CENPK: variants seen among roughly 807,000 people sequenced by gnomAD.
CENPK encodes the protein centromere protein K.
Under a neutral mutation model 40.9 loss-of-function variants are expected in CENPK, and 46 were observed. The ratio of observed to expected loss-of-function variants is 1.13; its 90% CI spans 0.89 to 1.44. The LOEUF (loss-of-function observed/expected upper bound fraction) is 1.44, where lower values mean the gene tolerates loss of function less well. Ranked by LOEUF, CENPK falls within the 40% of genes most tolerant of loss-of-function variation. CENPK has a pLI of 0.00. For missense variants in CENPK, 288 were observed against 303.5 expected (o/e 0.95, Z 0.38); for synonymous variants, 107 against 104.4 (o/e 1.02, Z -0.15).
intron 6 of CENPK, among the ~76,000 whole-genome samples, chr5:65,537,758 T>C (rs1747221657): frequency 6.6e-6 from 1 of 152,236 alleles, no homozygotes; most frequent in African/African-American, 2.4e-5. Context: ...CTTCATTTCT[T>C]TTTATTGTCC....
chr5:65,553,877 A>C (rs141173996), intron 3 of CENPK, among the ~76,000 whole-genome samples: 106 of 152,286 alleles, frequency 7.0e-4, no homozygotes, highest in Non-Finnish European at 1.2e-3. Context: ...CCCAAACCGC[A>C]TATCTGATCA....
downstream of CENPK, among the ~76,000 whole-genome samples, chr5:65,513,599 G>A (rs1281475956): frequency 2.0e-5 from 3 of 151,952 alleles, no homozygotes; most frequent in Admixed American, 6.6e-5. Flanking sequence ...AATTCCAAAT[G>A]TTCATCCCTG....
the CENPK span, among the ~76,000 whole-genome samples, chr5:65,506,212 C>T: frequency 1.5e-5 from 2 of 131,640 alleles, no homozygotes; most frequent in African/African-American, 2.8e-5. Context: ...AGCAAGATCC[C>T]ATTTCTTAAA....
chr5:65,526,120 C>G (rs755956946), intron 9 of CENPK, among the ~76,000 whole-genome samples: 3 of 151,974 alleles, frequency 2.0e-5, no homozygotes, highest in Non-Finnish European at 4.4e-5. Flanking sequence ...CTTAATGACC[C>G]GATAATGGCT....
intron 4 of CENPK, 51 bp downstream of exon 4, chr5:65,552,442 T>A: frequency 8.4e-7 from 1 of 1,184,076 alleles, no homozygotes; most frequent in East Asian, 2.6e-5. Flanking sequence ...TTTTCCAAAA[T>A]ACAATTAATT....
At chr5:65,523,860 T>G (rs1415233798) in intron 9 of CENPK, among the ~76,000 whole-genome samples, 1 of 152,134 alleles carries the variant, frequency 6.6e-6, no homozygotes, top group African/African-American at 2.4e-5. Flanking sequence ...ATCCATAGAC[T>G]GGCCTCAGAA....
chr5:65,546,092 C>T (rs1165538587), intron 5 of CENPK, among the ~76,000 whole-genome samples: 1 of 151,990 alleles, frequency 6.6e-6, no homozygotes, highest in African/African-American at 2.4e-5. Context: ...CCATTGAGGC[C>T]AAGAGATTAA....
the CENPK span, among the ~76,000 whole-genome samples, chr5:65,509,864 T>C: frequency 6.6e-6 from 1 of 152,240 alleles, no homozygotes; most frequent in Non-Finnish European, 1.5e-5. Flanking sequence ...TCATTATTAT[T>C]ATGTCTGTTA....
intron 9 of CENPK, among the ~76,000 whole-genome samples, chr5:65,527,394 T>G (rs1008366078): frequency 6.6e-6 from 1 of 150,648 alleles, no homozygotes; most frequent in African/African-American, 2.4e-5. Flanking sequence ...TCTAAGGAGT[T>G]TACAGACTTC....
intron 4 of CENPK, 25 bp from the exon 5 acceptor site, chr5:65,551,661 T>C (rs375127851): frequency 1.5e-6 from 2 of 1,341,502 alleles, no homozygotes; most frequent in African/African-American, 1.5e-5. Flanking sequence ...AACAAAGTCA[T>C]TTTCTGTGGA....
intron 6 of CENPK, among the ~76,000 whole-genome samples, chr5:65,534,132 A>G (rs914561385): frequency 2.6e-5 from 4 of 152,120 alleles, no homozygotes; most frequent in Admixed American, 1.3e-4. Context: ...ATGAAATAAT[A>G]AAGGGATGAA....
At chr5:65,505,817 T>C in the CENPK span, among the ~76,000 whole-genome samples, 1 of 152,270 alleles carries the variant, frequency 6.6e-6, no homozygotes, top group Non-Finnish European at 1.5e-5. Flanking sequence ...TTCATTCTTT[T>C]TATCACAAAC....
chr5:65,504,773 C>T, the CENPK span, among the ~76,000 whole-genome samples: 1 of 152,060 alleles, frequency 6.6e-6, no homozygotes, highest in African/African-American at 2.4e-5. Flanking sequence ...TTCTTCTTTC[C>T]ATAACTGATT....
At chr5:65,502,339 C>T in the CENPK span, among the ~76,000 whole-genome samples, 4 of 152,172 alleles carry the variant, frequency 2.6e-5, no homozygotes, top group Admixed American at 6.5e-5. Flanking sequence ...TGCTGTGTCC[C>T]TCTTTGTGTC....
intron 5 of CENPK, chr5:65,551,164 C>T (rs1414492902): frequency 5.0e-6 from 2 of 403,948 alleles, no homozygotes; most frequent in African/African-American, 2.2e-5. Context: ...GTAGGAGGAT[C>T]ACTTGAACCC....
chr5:65,532,622 G>A (rs924309846), intron 6 of CENPK, among the ~76,000 whole-genome samples: 5 of 151,974 alleles, frequency 3.3e-5, no homozygotes, highest in African/African-American at 4.8e-5. Context: ...TGTATTTTTA[G>A]TAGAGATGGG....
chr5:65,558,653 G>A (rs1022182191), intron 2 of CENPK, among the ~76,000 whole-genome samples: 1 of 152,192 alleles, frequency 6.6e-6, no homozygotes, highest in Non-Finnish European at 1.5e-5. Flanking sequence ...TAGCATTACA[G>A]GCTCACCTGA....
intron 6 of CENPK, among the ~76,000 whole-genome samples, chr5:65,532,424 T>A (rs937855752): frequency 1.3e-5 from 2 of 152,052 alleles, no homozygotes; most frequent in African/African-American, 4.8e-5. Context: ...TAACCTTATA[T>A]CAAAGCCTAA....
At position 65,529,167 on chromosome 5, in the gene CENPK, T is replaced by C. The variant is rs547550705; in HGVS notation, c.321A>G (p.Val107=). 5.0e-6 allele frequency: 8 copies of C among 1,610,676 alleles called. No individual in the cohort carries two copies. The highest frequency in any genetic ancestry group is 3.3e-4 in the Middle Eastern group (2 of 6,032). The stretch of plus-strand genomic sequence containing the variant: ...CATTCTTTGACTCCTTAGTGGACAG[T>C]ACCATTTCAAGATCTTGTCTCAGCT... ...FQKLRQDLEM[V]LSTKESKNEK... is the part of the protein sequence containing the mutation. Residue 107 remains valine (V), a synonymous_variant, in exon 7 of 11, where the codon GTA becomes GTG. Transcript: ENST00000396679.
Sources: gnomAD v4.1 joint callset for allele counts (sites outside exome capture counted in the v4.1 genomes callset) on GRCh38, gnomAD v4.1.1 for gene constraint, MANE v1.5 for transcripts, NCBI Gene and HGNC (gene_info 2026-07-23, HGNC 2026-07-21) for gene names.